The following ERBB4 variants were observed in gnomAD, a reference collection of about 807,000 sequenced individuals.
ERBB4 encodes the protein erb-b2 receptor tyrosine kinase 4.
Under a neutral mutation model 158.0 loss-of-function variants are expected in ERBB4, and 42 were observed. The observed-to-expected ratio is 0.27, with a 90% CI of 0.21 to 0.34. The LOEUF (loss-of-function observed/expected upper bound fraction) is 0.34, where lower values mean the gene tolerates loss of function less well. Ranked by LOEUF, ERBB4 falls within the 10% of genes least tolerant of loss-of-function variation. The pLI is 1.00. For synonymous variants in ERBB4, 583 were observed against 558.7 expected, an observed-to-expected ratio of 1.04 and a Z score of -0.61; for missense variants, 1,333 against 1,624.1, an observed-to-expected ratio of 0.82 and a Z score of 3.08.
rs564486342 is a variant in ERBB4, at chr2:212,195,426, C to G, written c.83-70523G>C. On this transcript the variant is annotated intron_variant, in intron 1 of 27. Transcript: ENST00000342788. ...ATAGTGTATCACATAACAAGTTAGA[C>G]AGTCACAGTATTATTTTTAAAACTA... 7.9e-5 allele frequency among the ~76,000 whole-genome samples: 12 copies of G among 152,056 alleles called. No homozygotes were observed. The East Asian group carries it at 1.9e-3, about 24-fold the overall frequency.
At chr2:212,519,230 A>G (rs1692012773) in intron 1 of ERBB4, among the ~76,000 whole-genome samples, 1 of 152,054 alleles carries the variant, frequency 6.6e-6, no homozygotes, top group Non-Finnish European at 1.5e-5. Context: ...TAAAAGTACA[A>G]CAAATTCTAT....
intron 3 of ERBB4, among the ~76,000 whole-genome samples, chr2:211,939,966 A>AAATATAT (rs1491239788): frequency 2.2e-5 from 3 of 137,384 alleles, no homozygotes; most frequent in South Asian, 2.2e-4. Context: ...GGAAAAAAAA[A>AAATATAT]ATATATATAT....
intron 2 of ERBB4, among the ~76,000 whole-genome samples, chr2:212,046,068 G>A (rs2077254106): frequency 2.0e-5 from 3 of 152,146 alleles, no homozygotes; most frequent in Non-Finnish European, 2.9e-5. Flanking sequence ...TGACAATTTG[G>A]ATAAATGAGT....
intron 1 of ERBB4, among the ~76,000 whole-genome samples, chr2:212,474,839 T>TTTTTTTTTTTTTTTTAG: frequency 7.3e-6 from 1 of 136,160 alleles, no homozygotes; most frequent in Non-Finnish European, 1.5e-5. Context: ...TTTTTTTTTT[T>TTTTTTTTTTTTTTTTAG]TGTCAAGACA....
intron 1 of ERBB4, among the ~76,000 whole-genome samples, chr2:212,247,280 C>T (rs2084345058): frequency 6.6e-6 from 1 of 152,112 alleles, no homozygotes; most frequent in Non-Finnish European, 1.5e-5. Flanking sequence ...TATAATTCTT[C>T]TGTAGAAAAC....
chr2:212,229,229 A>C (rs2083581727), intron 1 of ERBB4, among the ~76,000 whole-genome samples: 3 of 152,190 alleles, frequency 2.0e-5, no homozygotes, highest in Admixed American at 2.0e-4. Context: ...AACAGAAAGC[A>C]CTGTAGAAGC....
intron 3 of ERBB4, among the ~76,000 whole-genome samples, chr2:211,927,090 T>G (rs2080038474): frequency 6.6e-6 from 1 of 152,112 alleles, no homozygotes; most frequent in South Asian, 2.1e-4. Context: ...GGTACAAAAT[T>G]TTAATAGAGA....
intron 2 of ERBB4, among the ~76,000 whole-genome samples, chr2:212,108,835 T>TAAAC (rs1353378304): frequency 6.6e-6 from 1 of 151,936 alleles, no homozygotes; most frequent in Non-Finnish European, 1.5e-5. Flanking sequence ...TAAAGTTTTC[T>TAAAC]AAACAACTTT....
In ERBB4 at chr2:211,657,814, G is replaced by C. The variant is rs935796823; in HGVS notation, c.1886C>G (p.Thr629Ser). The C allele has an allele frequency of 6.2e-7, 1 of 1,613,914 alleles. No individual in the cohort carries two copies. Among genetic ancestry groups the C allele is most frequent in the Non-Finnish European group, 8.5e-7 (1 of 1,179,822 alleles). ...TGGGTAGTAAATGCAGTCATGACTA[G>C]TGGGACCGTTACACCTGCAGGCAAT... is the stretch of plus-strand genomic sequence containing the variant. ...PNCTQGCNGP[T>S]SHDCIYYPWT... The change falls in exon 16 of 28, where the codon ACT becomes AGT. Residue 629 changes from threonine (T) to serine (S), a missense_variant. By Grantham distance (58) the Thr-to-Ser change is moderately conservative. This residue lies in a region of ERBB4 where 245 missense variants were observed against 247.5 expected (regional missense o/e 0.99). Coordinates refer to ENST00000342788, the MANE Select transcript of ERBB4 (RefSeq NM_005235.3).
chr2:212,464,432 C>G (rs1688726342), intron 1 of ERBB4, among the ~76,000 whole-genome samples: 1 of 152,004 alleles, frequency 6.6e-6, no homozygotes, highest in African/African-American at 2.4e-5. Context: ...TTGTTTTATA[C>G]ATTTGTAAAC....
chr2:212,212,248 C>A (rs2082959708), intron 1 of ERBB4, among the ~76,000 whole-genome samples: 2 of 151,748 alleles, frequency 1.3e-5, no homozygotes, highest in African/African-American at 4.8e-5. Context: ...TTTTAATAAT[C>A]ATTATTCTAA....
chr2:211,778,032 C>T (rs537365988), intron 4 of ERBB4, among the ~76,000 whole-genome samples: 5 of 152,250 alleles, frequency 3.3e-5, no homozygotes, highest in Admixed American at 2.0e-4. Context: ...TTCAAAACCA[C>T]GAAAATTTAG....
chr2:211,908,236 G>A (rs1300681113), intron 3 of ERBB4, among the ~76,000 whole-genome samples: 5 of 151,766 alleles, frequency 3.3e-5, no homozygotes, highest in Non-Finnish European at 7.4e-5. Flanking sequence ...GAAGATCACA[G>A]TTACAGTGAC....
rs542132527 is a variant in ERBB4, at chr2:211,863,883, A to T, written c.422-75724T>A. Among the ~76,000 whole-genome samples, 80 of 152,304 alleles carry T rather than the reference A, an allele frequency of 5.3e-4. No homozygotes were observed. In the Middle Eastern group the frequency reaches 0.014, roughly 26 times the overall value. On this transcript the variant is annotated intron_variant, in intron 3 of 27. Coordinates refer to ENST00000342788, the MANE Select transcript of ERBB4 (RefSeq NM_005235.3). ...AGGTTTCTGTGTATTCAGTGGAAAA[A>T]TTGAGAGGATTCATCATTCAATTAT... is the stretch of plus-strand genomic sequence containing the variant.
rs962491393 is a variant in ERBB4, at chr2:211,869,576, C to T, written c.421+77854G>A. On this transcript the variant is annotated intron_variant, in intron 3 of 27. Coordinates refer to ENST00000342788, the MANE Select transcript of ERBB4 (RefSeq NM_005235.3). ...GGCCAACTTGTTATTTTAGTAACCCCGGTACCTAGCCTATTTCCTGGCATA... is the reference window on the plus strand; with the variant it reads ...GGCCAACTTGTTATTTTAGTAACCCTGGTACCTAGCCTATTTCCTGGCATA... 6.6e-5 allele frequency among the ~76,000 whole-genome samples: 10 copies of T among 151,838 alleles called. No individual in the cohort carries two copies. The East Asian group carries it at 7.7e-4, about 12-fold the overall frequency.
At chr2:211,840,536 C>G (rs1430433548) in intron 3 of ERBB4, among the ~76,000 whole-genome samples, 4 of 152,052 alleles carry the variant, frequency 2.6e-5, no homozygotes, top group African/African-American at 7.2e-5. Context: ...TTTAATTAAA[C>G]TTAACCTCAC....
At chr2:212,274,315 A>G (rs1484587210) in intron 1 of ERBB4, among the ~76,000 whole-genome samples, 1 of 151,798 alleles carries the variant, frequency 6.6e-6, no homozygotes, top group Non-Finnish European at 1.5e-5. Flanking sequence ...GACACTTCAT[A>G]TGGGTCCCAT....
At chr2:212,269,972 G>A (rs901995571) in intron 1 of ERBB4, among the ~76,000 whole-genome samples, 2 of 151,656 alleles carry the variant, frequency 1.3e-5, no homozygotes, top group African/African-American at 4.8e-5. Flanking sequence ...ACTGTTGTGT[G>A]TGCTTAGTGA....
At chr2:211,805,443 A>T (rs1454917540) in intron 3 of ERBB4, among the ~76,000 whole-genome samples, 1 of 152,242 alleles carries the variant, frequency 6.6e-6, no homozygotes, top group African/African-American at 2.4e-5. Context: ...AAGAAAACAC[A>T]AGAGTATGAG....
Sources: gnomAD v4.1 joint callset for allele counts (sites outside exome capture counted in the v4.1 genomes callset) on GRCh38, gnomAD v4.1.1 for gene constraint, gnomAD v4.1.1 regional missense constraint, MANE v1.5 for transcripts, NCBI Gene and HGNC (gene_info 2026-07-23, HGNC 2026-07-21) for gene names.